The following CPEB3 variants were observed in gnomAD, a reference collection of about 807,000 sequenced individuals.
CPEB3 encodes cytoplasmic polyadenylation element binding protein 3.
A neutral mutation model predicts 67.2 loss-of-function variants in CPEB3; 20 were observed. The observed-to-expected ratio is 0.30, with a 90% CI of 0.21 to 0.43. The LOEUF is 0.43. CPEB3 is among the 20% of genes least tolerant of loss of function. The pLI is 1.00. For missense variants in CPEB3, 746 were observed against 968.6 expected (o/e 0.77, Z 3.05); for synonymous variants, 376 against 393.1 (o/e 0.96, Z 0.51).
chr10:92,061,419 C>CAAAAAAAAAAAAAAAAAAAAA (rs148327302), intron 9 of CPEB3, among the ~76,000 whole-genome samples: 1 of 93,352 alleles, frequency 1.1e-5, no homozygotes, highest in Non-Finnish European at 2.2e-5. Context: ...AATTCTGTCT[C>CAAAAAAAAAAAAAAAAAAAAA]AAAAAAAAAA....
intron 6 of CPEB3, among the ~76,000 whole-genome samples, chr10:92,135,799 G>T (rs1477630790): frequency 6.6e-6 from 1 of 152,094 alleles, no homozygotes; most frequent in Non-Finnish European, 1.5e-5. Flanking sequence ...AAGAAAATGT[G>T]GCACATATAC....
At chr10:92,244,817 A>C (rs1379508202) in intron 1 of CPEB3, among the ~76,000 whole-genome samples, 4 of 152,252 alleles carry the variant, frequency 2.6e-5, no homozygotes. Flanking sequence ...CTCACAACAT[A>C]TTAAAATCAA....
intron 4 of CPEB3, among the ~76,000 whole-genome samples, chr10:92,171,591 C>T (rs1157380914): frequency 6.6e-6 from 1 of 152,070 alleles, no homozygotes; most frequent in Non-Finnish European, 1.5e-5. Flanking sequence ...AGGGAAGAAA[C>T]AAAGACTAAC....
chr10:92,220,212 G>T (rs759689770), intron 2 of CPEB3, among the ~76,000 whole-genome samples: 1 of 151,736 alleles, frequency 6.6e-6, no homozygotes, highest in South Asian at 2.1e-4. Context: ...TTTGTAATGC[G>T]TATGAAAGTA....
chr10:92,289,936 GGT>G (rs200567983), intron 1 of CPEB3, among the ~76,000 whole-genome samples: 2,491 of 125,276 alleles, frequency 0.02, 263 homozygotes, highest in African/African-American at 0.079. Flanking sequence ...GGTGGGGGGG[GGT>G]GGGTGCTGTT....
chr10:92,129,813 G>C (rs560984158), intron 6 of CPEB3, among the ~76,000 whole-genome samples: 31 of 152,270 alleles, frequency 2.0e-4, no homozygotes, highest in African/African-American at 7.5e-4. Context: ...AGGCTGAAGT[G>C]AGAGCATCGC....
chr10:92,058,638 G>A (rs1842214009), intron 9 of CPEB3, among the ~76,000 whole-genome samples: 1 of 150,678 alleles, frequency 6.6e-6, no homozygotes, highest in South Asian at 2.1e-4. Context: ...ACCCAACACT[G>A]GAGCACCCAG....
rs56990811 is a variant in CPEB3 at position 92,219,880 on chromosome 10, G to A, written c.1005+19466C>T. ...TATGATAAAAGTCAATCTCCAGGCC[G>A]GGCATGGTGGCTCACGCCTGTAATC... is the stretch of plus-strand genomic sequence containing the variant. On this transcript the variant is annotated intron_variant, in intron 2 of 9. Coordinates refer to ENST00000265997, the MANE Select transcript of CPEB3 (RefSeq NM_014912.5). 5.5e-3 allele frequency among the ~76,000 whole-genome samples: 837 copies of A among 152,278 alleles called. 8 individuals carry two copies. Among genetic ancestry groups the A allele is most frequent in the African/African-American group, 0.019 (794 of 41,560 alleles).
At position 92,143,079 on chromosome 10, in the gene CPEB3, A is replaced by C. The variant is rs368632440; in HGVS notation, c.1403T>G (p.Val468Gly). 2 of 1,613,774 alleles carry C rather than the reference A, an allele frequency of 1.2e-6. No individual in the cohort carries two copies. Among genetic ancestry groups the C allele is most frequent in the Non-Finnish European group, 8.5e-7 (1 of 1,179,812 alleles). Residue 468 changes from valine to glycine, a missense_variant, in exon 6 of 10, where the codon GTA becomes GGA. Val to Gly is a moderately radical substitution (Grantham distance 109, BLOSUM62 -3). Transcript: ENST00000265997. ...TTCAGCTTTGTGAGGCCAGTCTACT[A>C]CGAGAGGTCCAAACCTGCGAAAGCT... ...TASFRRFGPL[V>G]VDWPHKAESK...
chr10:92,094,664 C>A (rs1176991388), intron 7 of CPEB3, among the ~76,000 whole-genome samples: 2 of 151,780 alleles, frequency 1.3e-5, no homozygotes, highest in Admixed American at 6.6e-5. Context: ...AATTATCATT[C>A]CCTTGACATT....
At chr10:92,259,555 C>T (rs1031423416) in intron 1 of CPEB3, among the ~76,000 whole-genome samples, 1 of 151,116 alleles carries the variant, frequency 6.6e-6, no homozygotes, top group East Asian at 2.0e-4. Flanking sequence ...GAGCCGAGAT[C>T]GTGCCACTGC....
chr10:92,117,470 C>A (rs1183725429), intron 6 of CPEB3, among the ~76,000 whole-genome samples: 2 of 151,132 alleles, frequency 1.3e-5, no homozygotes, highest in Non-Finnish European at 2.9e-5. Context: ...GCTGGGACTA[C>A]AGGTGCCTGC....
intron 2 of CPEB3, among the ~76,000 whole-genome samples, chr10:92,231,168 T>TAC (rs1363480912): frequency 1.3e-5 from 2 of 152,196 alleles, no homozygotes; most frequent in African/African-American, 2.4e-5. Context: ...TGTCTATATA[T>TAC]ACTCCCTAGT....
At chr10:92,123,043 T>G (rs1319766332) in intron 6 of CPEB3, among the ~76,000 whole-genome samples, 2 of 152,208 alleles carry the variant, frequency 1.3e-5, no homozygotes, top group Admixed American at 6.5e-5. Context: ...GTTGGTTGCT[T>G]GGCAGCAGGG....
chr10:92,078,479 T>G (rs1381503585), intron 9 of CPEB3, among the ~76,000 whole-genome samples: 1 of 152,064 alleles, frequency 6.6e-6, no homozygotes, highest in Non-Finnish European at 1.5e-5. Flanking sequence ...TGGCCTTAAG[T>G]AACTTGCTTG....
intron 8 of CPEB3, among the ~76,000 whole-genome samples, chr10:92,084,568 T>A (rs982141237): frequency 2.0e-5 from 3 of 152,060 alleles, no homozygotes; most frequent in Non-Finnish European, 4.4e-5. Flanking sequence ...ATCTGTATTT[T>A]ATTATTTATT....
chr10:92,214,037 A>C (rs1345210804), intron 2 of CPEB3, among the ~76,000 whole-genome samples: 1 of 152,188 alleles, frequency 6.6e-6, no homozygotes, highest in Non-Finnish European at 1.5e-5. Context: ...AATCTCAAGT[A>C]ACACACAACC....
chr10:92,176,909 G>C (rs1022269660), intron 4 of CPEB3, among the ~76,000 whole-genome samples: 2 of 152,216 alleles, frequency 1.3e-5, no homozygotes, highest in Non-Finnish European at 2.9e-5. Flanking sequence ...TTTGAATGTG[G>C]CCCAAACAAA....
In CPEB3 at chr10:92,145,486, G is replaced by A. The variant is rs186919625; in HGVS notation, c.1223-401C>T. 7.2e-5 allele frequency among the ~76,000 whole-genome samples: 11 copies of A among 152,108 alleles called. No individual in the cohort carries two copies. In the East Asian group the frequency reaches 1.5e-3, roughly 21 times the overall value. ...TCTACTAAAAATACAAAAATTAGCC[G>A]GACATGGTGGTGCATGCATGTAATC... On this transcript the variant is annotated intron_variant, in intron 4 of 9. Transcript: ENST00000265997.
Sources: gnomAD v4.1 joint callset for allele counts (sites outside exome capture counted in the v4.1 genomes callset) on GRCh38, gnomAD v4.1.1 for gene constraint, MANE v1.5 for transcripts, NCBI Gene and HGNC (gene_info 2026-07-23, HGNC 2026-07-21) for gene names.